The following PCDH15 variants were observed in gnomAD, a reference collection of about 807,000 sequenced individuals.
PCDH15 encodes protocadherin related 15.
Under a neutral mutation model 178.5 loss-of-function variants are expected in PCDH15, and 129 were observed. The ratio of observed to expected loss-of-function variants is 0.72; its 90% CI spans 0.63 to 0.84. The LOEUF is 0.84. PCDH15 is among the 40% of genes least tolerant of loss of function. The pLI, the probability that PCDH15 is intolerant of heterozygous loss-of-function variation, is 0.00. For synonymous variants in PCDH15, 800 were observed against 732.0 expected (o/e 1.09, Z -1.50); for missense variants, 2,230 against 2,099.9 (o/e 1.06, Z -1.21).
Position 54,519,789 on chromosome 10 carries a change from A to C in PCDH15, c.157+8023T>G, listed in dbSNP as rs11004344. ...AAGCCAAAACAACAAAGCTGGAGGC[A>C]TCACGCTACCTGACTTCAAACTATG... is the stretch of plus-strand genomic sequence containing the variant. On this transcript the variant is annotated intron_variant, in intron 3 of 37. Coordinates refer to ENST00000644397, the MANE Select transcript of PCDH15 (RefSeq NM_001384140.1). Among the ~76,000 whole-genome samples the C allele has an allele frequency of 8.6e-3, 1,303 of 152,282 alleles. 13 individuals carry two copies. The highest frequency in any genetic ancestry group is 0.03 in the African/African-American group (1,231 of 41,544).
chr10:55,141,896 A>T (rs7900671), intron 2 of PCDH15, among the ~76,000 whole-genome samples: 1 of 151,834 alleles, frequency 6.6e-6, no homozygotes, highest in Admixed American at 6.6e-5. Context: ...TTTAAGGTAC[A>T]TCTTTTGTGG....
intron 3 of PCDH15, among the ~76,000 whole-genome samples, chr10:54,404,411 T>A (rs1433098966): frequency 2.0e-5 from 3 of 151,748 alleles, no homozygotes; most frequent in Non-Finnish European, 4.4e-5. Context: ...ACAAAAACAA[T>A]CAATGGGGAA....
intron 11 of PCDH15, among the ~76,000 whole-genome samples, chr10:54,187,684 A>G (rs919107363): frequency 2.0e-5 from 3 of 151,906 alleles, no homozygotes; most frequent in Non-Finnish European, 4.4e-5. Flanking sequence ...AAGATAATCT[A>G]TCACAGAAAG....
intron 3 of PCDH15, among the ~76,000 whole-genome samples, chr10:54,460,015 A>T (rs1335971791): frequency 6.6e-6 from 1 of 152,152 alleles, no homozygotes; most frequent in Non-Finnish European, 1.5e-5. Context: ...TTTCAAAATA[A>T]AAACATACCC....
chr10:55,595,110 CTACGA>C (rs1842913642), intron 2 of PCDH15, among the ~76,000 whole-genome samples: 1 of 151,916 alleles, frequency 6.6e-6, no homozygotes, highest in African/African-American at 2.4e-5. Flanking sequence ...ATTTTGTATG[CTACGA>C]TAAGTTTCAG....
chr10:54,857,301 A>G (rs189558092), intron 3 of PCDH15, among the ~76,000 whole-genome samples: 1 of 152,366 alleles, frequency 6.6e-6, no homozygotes, highest in South Asian at 2.1e-4. Context: ...TGAATTTCAT[A>G]GAGATAAAAA....
intron 6 of PCDH15, among the ~76,000 whole-genome samples, chr10:54,330,259 T>C (rs1939192013): frequency 6.6e-6 from 1 of 151,816 alleles, no homozygotes; most frequent in Non-Finnish European, 1.5e-5. Context: ...GTGTGACTAT[T>C]ATAGAGTGTA....
At chr10:55,228,570 C>T (rs934219512) in intron 1 of PCDH15, among the ~76,000 whole-genome samples, 4 of 151,874 alleles carry the variant, frequency 2.6e-5, no homozygotes, top group African/African-American at 9.7e-5. Context: ...CTTGTGCTCA[C>T]CTACTTAGAA....
intron 1 of PCDH15, among the ~76,000 whole-genome samples, chr10:55,306,768 AT>A (rs1476645240): frequency 6.6e-6 from 1 of 152,240 alleles, no homozygotes; most frequent in African/African-American, 2.4e-5. Context: ...TTGAAATAGA[AT>A]GTTCAGACAG....
At chr10:55,348,868 A>G (rs1455089019) in intron 2 of PCDH15, among the ~76,000 whole-genome samples, 1 of 152,180 alleles carries the variant, frequency 6.6e-6, no homozygotes, top group Non-Finnish European at 1.5e-5. Flanking sequence ...TTTGGATTAT[A>G]CAATGAAATA....
intron 2 of PCDH15, among the ~76,000 whole-genome samples, chr10:55,156,832 T>G (rs1216646999): frequency 2.0e-5 from 3 of 152,010 alleles, no homozygotes; most frequent in Non-Finnish European, 2.9e-5. Context: ...CAGAGAGAGG[T>G]TGGTGACTGT....
intron 2 of PCDH15, among the ~76,000 whole-genome samples, chr10:55,411,131 A>C (rs562317382): frequency 6.6e-6 from 1 of 152,270 alleles, no homozygotes; most frequent in African/African-American, 2.4e-5. Context: ...TTAGGTGGTT[A>C]ATCATACCGG....
chr10:54,416,673 T>C (rs1200260312), intron 3 of PCDH15, among the ~76,000 whole-genome samples: 5 of 152,220 alleles, frequency 3.3e-5, no homozygotes, highest in African/African-American at 9.6e-5. Flanking sequence ...ATGGTATTTC[T>C]GGTTCTAGAT....
upstream of PCDH15, among the ~76,000 whole-genome samples, chr10:54,801,865 T>C (rs907477972): frequency 6.6e-6 from 1 of 152,230 alleles, no homozygotes; most frequent in Non-Finnish European, 1.5e-5. Context: ...CATTGTAATA[T>C]ATGAAATCTC....
chr10:55,565,120 T>G (rs1250059135), intron 2 of PCDH15, among the ~76,000 whole-genome samples: 1 of 151,714 alleles, frequency 6.6e-6, no homozygotes, highest in Non-Finnish European at 1.5e-5. Flanking sequence ...TACATCTCAA[T>G]AGGTTTAAAA....
At chr10:55,213,338 C>T (rs1264016098) in intron 1 of PCDH15, among the ~76,000 whole-genome samples, 1 of 152,054 alleles carries the variant, frequency 6.6e-6, no homozygotes. Flanking sequence ...GGGAAGTTCT[C>T]CCCTTGCAGT....
intron 15 of PCDH15, among the ~76,000 whole-genome samples, chr10:54,094,494 C>T (rs1334219391): frequency 6.6e-6 from 1 of 151,978 alleles, no homozygotes; most frequent in East Asian, 1.9e-4. Flanking sequence ...GAGGGCAGAG[C>T]AAGTGATAAA....
chr10:55,518,610 T>C lies in PCDH15; in HGVS notation c.-156+109015A>G, dbSNP rs542538547. Among the ~76,000 whole-genome samples the C allele has an allele frequency of 7.2e-5, 11 of 152,008 alleles. No individual in the cohort carries two copies. In the East Asian group the frequency reaches 1.6e-3, roughly 22 times the overall value. On this transcript the variant is annotated intron_variant, in intron 2 of 5. Coordinates refer to the PCDH15 transcript ENST00000613346. The stretch of plus-strand genomic sequence containing the variant: ...TGGGCCCCAGTAAAACAGCGGGCCT[T>C]AATAAACACATGCCTTTCCCTTCAG...
At chr10:54,335,280 A>G (rs1046208159) in intron 6 of PCDH15, among the ~76,000 whole-genome samples, 1 of 152,200 alleles carries the variant, frequency 6.6e-6, no homozygotes, top group African/African-American at 2.4e-5. Context: ...TGACAGACAA[A>G]ATGGACTCCC....
Sources: gnomAD v4.1 joint callset for allele counts (sites outside exome capture counted in the v4.1 genomes callset) on GRCh38, gnomAD v4.1.1 for gene constraint, MANE v1.5 for transcripts, NCBI Gene and HGNC (gene_info 2026-07-23, HGNC 2026-07-21) for gene names.